The following IL12RB2 variants were observed in gnomAD, a reference collection of about 807,000 sequenced individuals.
The protein encoded by IL12RB2 is interleukin-12 receptor subunit beta-2.
Under a neutral mutation model 89.4 loss-of-function variants are expected in IL12RB2, and 82 were observed. The observed-to-expected ratio is 0.92, with a 90% CI of 0.77 to 1.10. The LOEUF (loss-of-function observed/expected upper bound fraction) is 1.10, where lower values mean the gene tolerates loss of function less well. IL12RB2 is among the 50% of genes least tolerant of loss of function. The pLI is 0.00. For missense variants in IL12RB2, 963 were observed against 1,031.9 expected, an observed-to-expected ratio of 0.93 and a Z score of 0.92; for synonymous variants, 368 against 370.1, an observed-to-expected ratio of 0.99 and a Z score of 0.07.
At chr1:67,380,193 T>C (rs1298481847) in intron 14 of IL12RB2, 70 bp downstream of exon 14, 2 of 1,493,814 alleles carry the variant, frequency 1.3e-6, no homozygotes, top group African/African-American at 2.8e-5. Flanking sequence ...CTATTACATT[T>C]GGTATAGAGA....
intron 16 of IL12RB2, among the ~76,000 whole-genome samples, chr1:67,393,555 G>A (rs927757642): frequency 1.3e-5 from 2 of 152,212 alleles, no homozygotes; most frequent in Non-Finnish European, 2.9e-5. Flanking sequence ...CCAGACCCAC[G>A]TGCCAGGGCC....
chr1:67,349,550 T>C (rs772654159), intron 9 of IL12RB2, among the ~76,000 whole-genome samples: 5 of 152,208 alleles, frequency 3.3e-5, no homozygotes, highest in Non-Finnish European at 7.3e-5. Context: ...GCGACAGACA[T>C]TTGAAATGCT....
intron 14 of IL12RB2, among the ~76,000 whole-genome samples, chr1:67,381,806 G>T (rs1212890024): frequency 6.8e-6 from 1 of 146,620 alleles, no homozygotes; most frequent in Admixed American, 6.9e-5. Flanking sequence ...TAACTTGCTC[G>T]ATTAATGTGG....
At chr1:67,384,722 A>C (rs541466108) in intron 14 of IL12RB2, among the ~76,000 whole-genome samples, 3 of 152,282 alleles carry the variant, frequency 2.0e-5, no homozygotes, top group Admixed American at 2.0e-4. Context: ...ATCCTAAATC[A>C]TCTCTCTCAA....
intron 15 of IL12RB2, among the ~76,000 whole-genome samples, chr1:67,387,752 T>G (rs1366101390): frequency 4.7e-5 from 7 of 150,370 alleles, no homozygotes; most frequent in Non-Finnish European, 1.0e-4. Context: ...ATATTTACCA[T>G]GTTCCATTTA....
At chr1:67,320,030 A>C (rs1656290633) in intron 2 of IL12RB2, among the ~76,000 whole-genome samples, 1 of 152,088 alleles carries the variant, frequency 6.6e-6, no homozygotes, top group Admixed American at 6.5e-5. Flanking sequence ...GTGAGAAACA[A>C]ATTTCTGATG....
At chr1:67,368,893 T>C in intron 11 of IL12RB2, among the ~76,000 whole-genome samples, 1 of 152,214 alleles carries the variant, frequency 6.6e-6, no homozygotes, top group East Asian at 1.9e-4. Context: ...GCCTAATATA[T>C]TTTAAGGGCT....
chr1:67,334,484 TTTTG>T (rs1658500433), intron 8 of IL12RB2, among the ~76,000 whole-genome samples: 1 of 152,178 alleles, frequency 6.6e-6, no homozygotes, highest in African/African-American at 2.4e-5. Context: ...AGGATTCTTC[TTTTG>T]TTTGTTTTGA....
At chr1:67,368,205 A>G (rs762075868) in intron 11 of IL12RB2, among the ~76,000 whole-genome samples, 180 bp downstream of exon 11, 9 of 152,212 alleles carry the variant, frequency 5.9e-5, no homozygotes, top group Non-Finnish European at 1.3e-4. Flanking sequence ...TAAATGACCA[A>G]CTGGTTGACT....
At chr1:67,350,761 A>C (rs935304544) in intron 9 of IL12RB2, 109 bp from the exon 10 acceptor site, 8 of 1,548,850 alleles carry the variant, frequency 5.2e-6, no homozygotes, top group Non-Finnish European at 6.1e-6. Context: ...ATGAACAAAA[A>C]GGTCACTCAG....
rs892377503 is a variant in IL12RB2, at chr1:67,330,623, G to A, written c.808-37G>A. Reference sequence around the variant, plus strand: ...TAAAATTCCTTAAATTAGCAATCTAGTATTAATAGGCACTTTAAAAAAATG... The same window carrying A: ...TAAAATTCCTTAAATTAGCAATCTAATATTAATAGGCACTTTAAAAAAATG... On this transcript the variant is annotated intron_variant, in intron 7 of 16. Coordinates refer to ENST00000674203, the MANE Select transcript of IL12RB2 (RefSeq NM_001374259.2). 5 of 985,066 alleles carry A rather than the reference G, an allele frequency of 5.1e-6. No individual in the cohort carries two copies. In the African/African-American group the frequency reaches 8.0e-5, roughly 16 times the overall value. 61.0% of individuals were successfully genotyped at this position (985,066 alleles called of 1,614,324 possible).
intron 16 of IL12RB2, among the ~76,000 whole-genome samples, chr1:67,390,502 A>G (rs1665697979): frequency 7.3e-6 from 1 of 136,802 alleles, no homozygotes; most frequent in African/African-American, 2.8e-5. Flanking sequence ...TAGCCTGAGC[A>G]TTGAGTCATC....
intron 10 of IL12RB2, among the ~76,000 whole-genome samples, chr1:67,354,434 G>A (rs1661166436): frequency 6.6e-6 from 1 of 152,084 alleles, no homozygotes; most frequent in Non-Finnish European, 1.5e-5. Flanking sequence ...AGAGGGAAGA[G>A]GAACACTTCA....
intron 9 of IL12RB2, among the ~76,000 whole-genome samples, chr1:67,344,196 T>A (rs1324261642): frequency 1.3e-5 from 2 of 152,190 alleles, no homozygotes; most frequent in Non-Finnish European, 2.9e-5. Context: ...TCCACGGAAA[T>A]ATAAGCAAGC....
chr1:67,364,065 C>T (rs1220018377), intron 10 of IL12RB2, among the ~76,000 whole-genome samples: 1 of 152,196 alleles, frequency 6.6e-6, no homozygotes, highest in African/African-American at 2.4e-5. Flanking sequence ...CAAGACCCAA[C>T]TATAGTTGTC....
chr1:67,336,971 A>G (rs1658851811), intron 8 of IL12RB2, among the ~76,000 whole-genome samples: 1 of 152,184 alleles, frequency 6.6e-6, no homozygotes, highest in South Asian at 2.1e-4. Flanking sequence ...ATGTGGAATT[A>G]TCACCCTCAT....
At chr1:67,353,370 ACCAGCCAGG>A (rs1661049489) in intron 10 of IL12RB2, among the ~76,000 whole-genome samples, 2 of 152,160 alleles carry the variant, frequency 1.3e-5, no homozygotes, top group African/African-American at 4.8e-5. Flanking sequence ...GAAGTTTGAG[ACCAGCCAGG>A]CCAACATAAG....
chr1:67,341,545 A>AAG (rs201343522), intron 9 of IL12RB2, among the ~76,000 whole-genome samples: 6,410 of 43,706 alleles, frequency 0.15, 133 homozygotes, highest in Non-Finnish European at 0.23. Flanking sequence ...GAAAGAAAGA[A>AAG]AGAAAGAAAG....
rs1558308335 is a variant in IL12RB2 at position 67,330,757 on chromosome 1, AGG to A, written c.907_908del (p.Gly303LysfsTer4). 1 of 1,566,872 alleles carries A rather than the reference AGG, an allele frequency of 6.4e-7. No individual in the cohort carries two copies. On this transcript the variant is annotated frameshift_variant, in exon 8 of 17. Transcript: ENST00000674203. LOFTEE classifies it high-confidence loss of function. ...ATTTCCTCTAAGCTACATCTTTATA[AGG>A]GAAGTTGGAGTGATTGGAGTGAATC...
Sources: gnomAD v4.1 joint callset for allele counts (sites outside exome capture counted in the v4.1 genomes callset) on GRCh38, gnomAD v4.1.1 for gene constraint, MANE v1.5 for transcripts, NCBI Gene and HGNC (gene_info 2026-07-23, HGNC 2026-07-21) for gene names.